Variants in CAAP1 observed in about 807,000 individuals in gnomAD.
CAAP1 encodes the protein conserved anti-apoptotic protein.
In CAAP1, 20 loss-of-function variants were observed where a neutral mutation model predicts 34.0. The observed-to-expected ratio is 0.59, with a 90% CI of 0.41 to 0.86. The LOEUF is 0.86. Ranked by LOEUF, CAAP1 falls within the 40% of genes least tolerant of loss-of-function variation. The pLI is 0.00. For synonymous variants in CAAP1, 213 were observed against 166.7 expected, an observed-to-expected ratio of 1.28 and a Z score of -2.14; for missense variants, 538 against 450.5, an observed-to-expected ratio of 1.19 and a Z score of -1.76.
chr9:26,882,236 A>G lies in CAAP1; in HGVS notation c.665+2574T>C, dbSNP rs566948667. Among the ~76,000 whole-genome samples the G allele has an allele frequency of 3.9e-5, 6 of 152,348 alleles. No homozygotes were observed. The South Asian group carries it at 1.2e-3, about 32-fold the overall frequency. ...ATTTGCATAAGTAACGAGCAGCCCA[A>G]TGTTAATCGCCAAGACAATGGGGAA... On this transcript the variant is annotated intron_variant, in intron 4 of 5. Transcript: ENST00000333916.
chr9:26,877,298 A>C (rs1823461600), intron 4 of CAAP1, among the ~76,000 whole-genome samples: 1 of 152,168 alleles, frequency 6.6e-6, no homozygotes, highest in African/African-American at 2.4e-5. Flanking sequence ...ATCTGAAAAA[A>C]AAATCTGAAA....
chr9:26,848,358 C>T (rs1038650035), intron 5 of CAAP1, among the ~76,000 whole-genome samples: 10 of 151,628 alleles, frequency 6.6e-5, no homozygotes, highest in African/African-American at 2.4e-4. Flanking sequence ...CCAAAAAATA[C>T]AAAAAAAATT....
At chr9:26,880,647 T>C (rs972762676) in intron 4 of CAAP1, 1 of 152,616 alleles carries the variant, frequency 6.6e-6, no homozygotes, top group Non-Finnish European at 1.5e-5. Context: ...GGGTCAGCAG[T>C]ACAGCAGAAG....
chr9:26,868,397 A>G (rs1194171551), intron 4 of CAAP1, among the ~76,000 whole-genome samples: 1 of 152,218 alleles, frequency 6.6e-6, no homozygotes, highest in East Asian at 1.9e-4. Flanking sequence ...GATGAAGGAA[A>G]GGGCCACAAG....
Position 26,845,282 on chromosome 9 carries a change from G to C in CAAP1, c.740-2635C>G, listed in dbSNP as rs114056506. On this transcript the variant is annotated intron_variant, in intron 5 of 5. Coordinates refer to ENST00000333916, the MANE Select transcript of CAAP1 (RefSeq NM_024828.4). ...ATTTGTTGAATTATACTCAGTTCATGTTGGACTTCATGAGTTGTTCATCTT... is the reference window on the plus strand; with the variant it reads ...ATTTGTTGAATTATACTCAGTTCATCTTGGACTTCATGAGTTGTTCATCTT... Among the ~76,000 whole-genome samples the C allele has an allele frequency of 3.5e-3, 534 of 152,272 alleles. 2 individuals carry two copies. Among genetic ancestry groups the C allele is most frequent in the African/African-American group, 0.012 (510 of 41,544 alleles).
At chr9:26,852,528 G>A (rs1012136413) in intron 5 of CAAP1, among the ~76,000 whole-genome samples, 1 of 152,010 alleles carries the variant, frequency 6.6e-6, no homozygotes, top group Non-Finnish European at 1.5e-5. Context: ...GGAAGGGAAG[G>A]CTTCATAGAT....
intron 5 of CAAP1, among the ~76,000 whole-genome samples, chr9:26,856,020 C>T (rs1474131840): frequency 2.0e-5 from 3 of 152,096 alleles, no homozygotes; most frequent in Admixed American, 2.0e-4. Flanking sequence ...TCATGGCTCA[C>T]TGCAGCTTCG....
intron 5 of CAAP1, among the ~76,000 whole-genome samples, chr9:26,856,426 T>C (rs1381854183): frequency 1.3e-5 from 2 of 152,088 alleles, no homozygotes; most frequent in African/African-American, 4.8e-5. Flanking sequence ...CAAAAAAGAG[T>C]GTATATTTCA....
intron 5 of CAAP1, among the ~76,000 whole-genome samples, chr9:26,858,954 C>T (rs77161926): frequency 0.063 from 9,247 of 146,872 alleles, 1,133 homozygotes; most frequent in East Asian, 0.56. Flanking sequence ...GCCGATATTG[C>T]GCCATGCACT....
intron 5 of CAAP1, among the ~76,000 whole-genome samples, chr9:26,845,128 A>T (rs7036055): frequency 0.061 from 9,329 of 152,110 alleles, 333 homozygotes; most frequent in Middle Eastern, 0.15. Context: ...TCTTCATTGC[A>T]CCTGACATTT....
chr9:26,887,136 C>T (rs1413868478), intron 2 of CAAP1, among the ~76,000 whole-genome samples, 177 bp downstream of exon 2: 2 of 152,026 alleles, frequency 1.3e-5, no homozygotes, highest in Admixed American at 6.6e-5. Context: ...TGCTTGAACC[C>T]GGGAGGCGGA....
rs563408439 is a variant in CAAP1 at position 26,886,815 on chromosome 9, G to A, written c.504+498C>T. On this transcript the variant is annotated intron_variant, in intron 2 of 5. Coordinates refer to ENST00000333916, the MANE Select transcript of CAAP1 (RefSeq NM_024828.4). ...ACATTTCTTGCCTAAACATTTCTTC[G>A]TGGCAAATTTTTAAATATACAAGGC... Among the ~76,000 whole-genome samples, 38 of 152,178 alleles carry A rather than the reference G, an allele frequency of 2.5e-4. No homozygotes were observed. In the South Asian group the frequency reaches 5.8e-3, roughly 23 times the overall value.
At chr9:26,892,276 C>T in intron 1 of CAAP1, 137 bp downstream of exon 1, 4 of 1,530,888 alleles carry the variant, frequency 2.6e-6, no homozygotes, top group Non-Finnish European at 3.5e-6. Context: ...TAGGTAGGAA[C>T]ATGAACCTCA....
intron 4 of CAAP1, among the ~76,000 whole-genome samples, chr9:26,878,818 A>C (rs1823512324): frequency 6.6e-6 from 1 of 152,088 alleles, no homozygotes; most frequent in African/African-American, 2.4e-5. Flanking sequence ...GTGTCTAAAA[A>C]AAAAAAAATC....
At chr9:26,883,888 C>T (rs1823662036) in intron 4 of CAAP1, among the ~76,000 whole-genome samples, 1 of 152,078 alleles carries the variant, frequency 6.6e-6, no homozygotes, top group Non-Finnish European at 1.5e-5. Context: ...AATAGTAAGA[C>T]ATTAAAAATG....
chr9:26,892,516 C>T lies in CAAP1; in HGVS notation c.200G>A (p.Gly67Asp). ...NANFSGSVTG[G>D]GSGGSCWGGS... The stretch of plus-strand genomic sequence containing the variant: ...GCCCCAACAGCTGCCGCCGCTCCCA[C>T]CGCCGGTGACACTTCCACTAAAATT... Residue 67 changes from glycine to aspartate, a missense_variant, in exon 1 of 6, where the codon GGT becomes GAT. Physicochemically the swap from Gly to Asp is moderately conservative, Grantham distance 94. Around this residue, in one of 3 missense-constraint regions of CAAP1, gnomAD observed 514 missense variants for 408.4 expected, o/e 1.26. Coordinates refer to ENST00000333916, the MANE Select transcript of CAAP1 (RefSeq NM_024828.4). 2 of 1,571,024 alleles carry T rather than the reference C, an allele frequency of 1.3e-6. No individual in the cohort carries two copies. Among genetic ancestry groups the T allele is most frequent in the Non-Finnish European group, 1.7e-6 (2 of 1,158,238 alleles).
Position 26,892,689 on chromosome 9 carries a change from C to T in CAAP1, c.27G>A (p.Glu9=). The change falls in exon 1 of 6, where the codon GAG becomes GAA. Residue 9 remains glutamate (E), a synonymous_variant. Transcript: ENST00000333916. ...CCTGACTGCTACGTTTGCGCCGTTTCTCCCGGGAGGACTTTTTCCCCGTCA... is the reference window on the plus strand; with the variant it reads ...CCTGACTGCTACGTTTGCGCCGTTTTTCCCGGGAGGACTTTTTCCCCGTCA... MTGKKSSR[E]KRRKRSSQEA... The T allele has an allele frequency of 2.5e-6, 4 of 1,602,368 alleles. No individual in the cohort carries two copies. The South Asian group carries it at 3.3e-5, about 13-fold the overall frequency.
intron 2 of CAAP1, 52 bp from the exon 3 acceptor site, chr9:26,886,240 G>A (rs967639846): frequency 4.6e-6 from 4 of 869,572 alleles, no homozygotes; most frequent in African/African-American, 3.5e-5. Context: ...CAGCCCCAAT[G>A]TAAACTGGAA....
In CAAP1 at chr9:26,861,159, T is replaced by C. The variant is rs770652765; in HGVS notation, c.666-20A>G. ...TCTTGCCTGGGAAATGAAAATAAGA[T>C]CAACCTTTAAAACTATATTTAATCA... On this transcript the variant is annotated intron_variant, in intron 4 of 5. Transcript: ENST00000333916. 4.5e-6 allele frequency: 7 copies of C among 1,552,216 alleles called. No homozygotes were observed. In the African/African-American group the frequency reaches 6.8e-5, roughly 15 times the overall value.
Sources: allele counts gnomAD v4.1 joint callset (sites outside exome capture counted in the v4.1 genomes callset), GRCh38; gene constraint gnomAD v4.1.1; regional missense constraint gnomAD v4.1.1; transcripts MANE v1.5; gene names NCBI Gene and HGNC (gene_info 2026-07-23, HGNC 2026-07-21).